The following ZEB2 variants were observed in gnomAD, a reference collection of about 807,000 sequenced individuals.
The protein encoded by ZEB2 is zinc finger E-box binding homeobox 2.
Under a neutral mutation model 99.9 loss-of-function variants are expected in ZEB2, and 6 were observed. The observed-to-expected ratio is 0.06, with a 90% CI of 0.03 to 0.12. ZEB2 has a LOEUF of 0.12. Among genes scored for constraint, ZEB2 ranks in the 10% least tolerant of loss-of-function variants. The pLI, the probability that ZEB2 is intolerant of heterozygous loss-of-function variation, is 1.00. For synonymous variants in ZEB2, 517 were observed against 542.5 expected (o/e 0.95, Z 0.65); for missense variants, 969 against 1,502.8 (o/e 0.64, Z 5.87).
At chr2:144,473,888 C>T (rs1012151359) in intron 2 of ZEB2, among the ~76,000 whole-genome samples, 6 of 152,082 alleles carry the variant, frequency 3.9e-5, no homozygotes, top group South Asian at 4.1e-4. Context: ...ATAAGATGTA[C>T]GTATGCAAAG....
chr2:144,420,014 C>T (rs987616029), intron 4 of ZEB2, among the ~76,000 whole-genome samples: 2 of 152,180 alleles, frequency 1.3e-5, no homozygotes, highest in Admixed American at 1.3e-4. Flanking sequence ...GATACTTAGT[C>T]TCCTCCACAG....
intron 2 of ZEB2, among the ~76,000 whole-genome samples, chr2:144,472,206 T>C (rs1013623301): frequency 6.6e-6 from 1 of 152,054 alleles, no homozygotes; most frequent in Non-Finnish European, 1.5e-5. Context: ...ATCATCATCA[T>C]CATCATCATC....
chr2:144,513,769 G>A lies in ZEB2; in HGVS notation c.73+3509C>T. On this transcript the variant is annotated intron_variant, in intron 2 of 9. Transcript: ENST00000627532. The stretch of plus-strand genomic sequence containing the variant: ...GGCAAGCAGCAGCAGGGCATCTCCC[G>A]CTCCGAGTGCTCATTTCTGACTCCA... The A allele has an allele frequency of 2.0e-6, 3 of 1,536,056 alleles. No individual in the cohort carries two copies. Among genetic ancestry groups the A allele is most frequent in the Non-Finnish European group, 2.6e-6 (3 of 1,146,890 alleles).
Position 144,424,849 on chromosome 2 carries a change from T to C in ZEB2, c.350A>G (p.Tyr117Cys), listed in dbSNP as rs761249729. The C allele has an allele frequency of 6.2e-7, 1 of 1,614,020 alleles. No individual in the cohort carries two copies. The highest frequency in any genetic ancestry group is 1.7e-5 in the Admixed American group (1 of 60,022). Residue 117 changes from tyrosine to cysteine, a missense_variant, in exon 4 of 10, where the codon TAT (tyrosine) becomes TGT (cysteine). This residue lies in a region of ZEB2 where 173 missense variants were observed against 217.7 expected (regional missense o/e 0.79). Coordinates refer to ENST00000627532, the MANE Select transcript of ZEB2 (RefSeq NM_014795.4). ...VDGPEEMKED[Y>C]DTMGPEATIQ... ...CGTGGCTTCTGGCCCCATAGTGTCA[T>C]AGTCTTCCTTCATTTCTTCTGTGGG...
rs540197239 is a variant in ZEB2 at position 144,452,854 on chromosome 2, T to G, written c.74-22828A>C. 1.8e-4 allele frequency among the ~76,000 whole-genome samples: 27 copies of G among 152,324 alleles called. 1 individual carries two copies. Among genetic ancestry groups the G allele is most frequent in the African/African-American group, 6.5e-4 (27 of 41,570 alleles). ...TTTACGTGGGGACAGGGGGGCTGGC[T>G]ACACAGGAAACCTGGTCCCAACCTA... On this transcript the variant is annotated intron_variant, in intron 2 of 9. Coordinates refer to ENST00000627532, the MANE Select transcript of ZEB2 (RefSeq NM_014795.4).
At chr2:144,481,723 CTA>C (rs2149914372) in intron 2 of ZEB2, among the ~76,000 whole-genome samples, 1 of 152,238 alleles carries the variant, frequency 6.6e-6, no homozygotes, top group South Asian at 2.1e-4. Context: ...AAATTAATAT[CTA>C]GAGTATGTTT....
chr2:144,419,062 A>C (rs1416610945), intron 4 of ZEB2, among the ~76,000 whole-genome samples: 2 of 152,230 alleles, frequency 1.3e-5, no homozygotes, highest in African/African-American at 4.8e-5. Context: ...CTTGTACATA[A>C]GGAATCATGA....
chr2:144,515,318 C>T (rs573865618), intron 2 of ZEB2, among the ~76,000 whole-genome samples: 1 of 152,024 alleles, frequency 6.6e-6, no homozygotes, highest in South Asian at 2.1e-4. Flanking sequence ...GGAAAAAAGC[C>T]CCACAACAGA....
chr2:144,440,515 A>ATATACATAT (rs1703899127), intron 2 of ZEB2, among the ~76,000 whole-genome samples: 1 of 32,846 alleles, frequency 3.0e-5, no homozygotes, highest in African/African-American at 7.9e-5. Flanking sequence ...ATATATATAT[A>ATATACATAT]TTTTTTTTTT....
intron 2 of ZEB2, among the ~76,000 whole-genome samples, chr2:144,475,565 C>T (rs956500664): frequency 4.6e-5 from 7 of 151,852 alleles, no homozygotes; most frequent in African/African-American, 1.7e-4. Flanking sequence ...GTCAGGACAC[C>T]CATCTGGAAT....
At chr2:144,471,100 T>C (rs1420238957) in intron 2 of ZEB2, among the ~76,000 whole-genome samples, 8 of 152,146 alleles carry the variant, frequency 5.3e-5, no homozygotes, top group Non-Finnish European at 7.4e-5. Context: ...ATGTTTCACT[T>C]GCTATGCCTG....
intron 2 of ZEB2, among the ~76,000 whole-genome samples, chr2:144,481,946 A>G (rs1373752911): frequency 1.3e-5 from 2 of 152,198 alleles, no homozygotes; most frequent in Non-Finnish European, 2.9e-5. Context: ...TGAATTTATT[A>G]TAATAGTGTT....
rs1057518371 is a variant in ZEB2, at chr2:144,404,998, A to T, written c.430T>A (p.Phe144Ile). 5 of 1,613,984 alleles carry T rather than the reference A, an allele frequency of 3.1e-6. No homozygotes were observed. The Admixed American group carries it at 6.7e-5, about 22-fold the overall frequency. Residue 144 changes from phenylalanine to isoleucine, a missense_variant, in exon 5 of 10, where the codon TTT becomes ATT. By Grantham distance (21) the Phe-to-Ile change is conservative. Coordinates refer to ENST00000627532, the MANE Select transcript of ZEB2 (RefSeq NM_014795.4). Reference sequence around the variant, plus strand: ...TTTCTTTTGGCAAAGTATTCCTCAAAATCTGATGTGCAATTTGCATTCTTC... The same window carrying T: ...TTTCTTTTGGCAAAGTATTCCTCAATATCTGATGTGCAATTTGCATTCTTC... ...TVKNANCTSD[F>I]EEYFAKRKLE...
intron 4 of ZEB2, chr2:144,405,317 T>A (rs981308528): frequency 1.7e-5 from 6 of 359,374 alleles, no homozygotes; most frequent in African/African-American, 1.3e-4. Context: ...ATGTTTTTCA[T>A]AAATTTTTTT....
rs1015679196 is a variant in ZEB2, at chr2:144,385,861, A to C, written c.*3590T>G. 5.3e-5 allele frequency: 8 copies of C among 152,312 alleles called. No homozygotes were observed. The highest frequency in any genetic ancestry group is 1.7e-4 in the African/African-American group (7 of 41,566). 9.4% of individuals were successfully genotyped at this position (152,312 alleles called of 1,614,324 possible). A position where few individuals can be genotyped will look rare whatever the true frequency, so the allele number is the denominator to read the frequency against. On this transcript the variant is annotated 3_prime_UTR_variant, in exon 10 of 10. Coordinates refer to ENST00000627532, the MANE Select transcript of ZEB2 (RefSeq NM_014795.4). ...GTTATCTGATTGTGAAAAGTATCTA[A>C]TACATTTATTCATATTTATTCAAAT...
At chr2:144,412,672 T>C (rs1703481769) in intron 4 of ZEB2, among the ~76,000 whole-genome samples, 3 of 152,230 alleles carry the variant, frequency 2.0e-5, no homozygotes, top group Non-Finnish European at 4.4e-5. Context: ...CATGGCTAAA[T>C]GAGACATTCA....
intron 4 of ZEB2, among the ~76,000 whole-genome samples, chr2:144,406,149 C>T (rs1036130356): frequency 6.6e-5 from 10 of 151,984 alleles, no homozygotes; most frequent in African/African-American, 2.4e-4. Context: ...CAGGGTGATG[C>T]GCAAGCAAGC....
chr2:144,412,121 T>A (rs937860342), intron 4 of ZEB2, among the ~76,000 whole-genome samples: 5 of 152,118 alleles, frequency 3.3e-5, no homozygotes, highest in African/African-American at 1.2e-4. Flanking sequence ...AATACAAAAT[T>A]AGCCGGGTGT....
intron 4 of ZEB2, among the ~76,000 whole-genome samples, chr2:144,406,764 T>C (rs1185659066): frequency 6.6e-6 from 1 of 152,192 alleles, no homozygotes; most frequent in East Asian, 1.9e-4. Context: ...GATGAAACTA[T>C]GATTATTTGC....
Sources: allele counts gnomAD v4.1 joint callset (sites outside exome capture counted in the v4.1 genomes callset), GRCh38; gene constraint gnomAD v4.1.1; regional missense constraint gnomAD v4.1.1; transcripts MANE v1.5; gene names NCBI Gene and HGNC (gene_info 2026-07-23, HGNC 2026-07-21).